UNC13C: variants seen among roughly 807,000 people sequenced by gnomAD.
The protein encoded by UNC13C is protein unc-13 homolog C.
UNC13C carries 174 observed loss-of-function variants against 245.4 expected under a neutral mutation model. That is an observed-to-expected ratio of 0.71 (90% CI 0.63 to 0.80). The LOEUF is 0.80. Ranked by LOEUF, UNC13C falls within the 30% of genes least tolerant of loss-of-function variation. UNC13C has a pLI of 0.00. For synonymous variants in UNC13C, 992 were observed against 895.1 expected, an observed-to-expected ratio of 1.11 and a Z score of -1.93; for missense variants, 2,829 against 2,602.9, an observed-to-expected ratio of 1.09 and a Z score of -1.89.
intron 4 of UNC13C, among the ~76,000 whole-genome samples, chr15:54,175,531 G>C (rs1305824108): frequency 3.3e-5 from 1 of 30,308 alleles, no homozygotes; most frequent in Non-Finnish European, 6.3e-5. Flanking sequence ...TTTTTTTTTT[G>C]AGACGGAGTC....
the UNC13C span, among the ~76,000 whole-genome samples, chr15:53,916,647 G>A: frequency 1.3e-5 from 2 of 152,174 alleles, no homozygotes; most frequent in African/African-American, 4.8e-5. Context: ...AACTACCAGA[G>A]TTCTTTCTAA....
chr15:54,517,325 T>G (rs1895024188), intron 24 of UNC13C, among the ~76,000 whole-genome samples: 1 of 152,202 alleles, frequency 6.6e-6, no homozygotes, highest in Non-Finnish European at 1.5e-5. Context: ...TAAAACTGTT[T>G]TCTAAACCAA....
chr15:54,196,092 C>T (rs2034343988), intron 4 of UNC13C, among the ~76,000 whole-genome samples: 1 of 152,100 alleles, frequency 6.6e-6, no homozygotes, highest in Non-Finnish European at 1.5e-5. Context: ...TGGGAAAGCT[C>T]TTTTATGAAT....
the UNC13C span, among the ~76,000 whole-genome samples, chr15:53,932,367 A>G: frequency 6.6e-6 from 1 of 152,144 alleles, no homozygotes. Context: ...CAGGTATTTA[A>G]GTGACAGACC....
chr15:54,362,275 A>T (rs1292279316), intron 17 of UNC13C, among the ~76,000 whole-genome samples: 1 of 152,170 alleles, frequency 6.6e-6, no homozygotes, highest in Admixed American at 6.5e-5. Flanking sequence ...CAGTGGAGAG[A>T]TTGAATATCC....
chr15:54,533,130 GA>G (rs1400067086), intron 26 of UNC13C, 64 bp downstream of exon 26: 5 of 1,289,862 alleles, frequency 3.9e-6, no homozygotes, highest in Non-Finnish European at 5.4e-6. Context: ...AAGGCTTTAA[GA>G]AAAACATTGT....
intron 2 of UNC13C, among the ~76,000 whole-genome samples, chr15:54,075,484 G>GAA (rs1396564362): frequency 3.0e-5 from 4 of 131,472 alleles, no homozygotes; most frequent in African/African-American, 7.5e-5. Flanking sequence ...GCAGTGAGCC[G>GAA]GAGCTTGCAG....
At chr15:54,451,655 T>C (rs1278976186) in intron 19 of UNC13C, among the ~76,000 whole-genome samples, 1 of 152,200 alleles carries the variant, frequency 6.6e-6, no homozygotes, top group African/African-American at 2.4e-5. Flanking sequence ...CTCATTTATA[T>C]CCTGAATTGT....
the UNC13C span, among the ~76,000 whole-genome samples, chr15:53,853,550 G>A: frequency 1.3e-5 from 2 of 152,158 alleles, no homozygotes; most frequent in Non-Finnish European, 2.9e-5. Flanking sequence ...TCGGCCTCTA[G>A]GTCTTTGAGA....
intron 19 of UNC13C, among the ~76,000 whole-genome samples, chr15:54,428,722 G>C (rs8029007): frequency 0.02 from 3,023 of 151,566 alleles, 98 homozygotes; most frequent in African/African-American, 0.07. Context: ...TCCTGGTATG[G>C]TCTCTGTGCT....
chr15:54,110,760 T>G (rs997155145), intron 2 of UNC13C, among the ~76,000 whole-genome samples: 1 of 152,214 alleles, frequency 6.6e-6, no homozygotes, highest in Admixed American at 6.5e-5. Context: ...ATTTTTTCCC[T>G]TTCTAGTGAC....
intron 19 of UNC13C, among the ~76,000 whole-genome samples, chr15:54,422,107 A>G (rs903673148): frequency 6.6e-6 from 1 of 152,004 alleles, no homozygotes; most frequent in Non-Finnish European, 1.5e-5. Context: ...GGTCTTTTTT[A>G]TTACAGCAAA....
chr15:54,140,503 G>A (rs577978525), intron 2 of UNC13C, among the ~76,000 whole-genome samples: 1 of 152,320 alleles, frequency 6.6e-6, no homozygotes, highest in Admixed American at 6.5e-5. Context: ...TTAGCAAAGA[G>A]GAATGCACAG....
intron 13 of UNC13C, among the ~76,000 whole-genome samples, chr15:54,310,963 C>T (rs989547161): frequency 1.3e-5 from 2 of 151,678 alleles, no homozygotes; most frequent in Non-Finnish European, 3.0e-5. Context: ...CCACCTTTAT[C>T]ACATCAATTG....
intron 4 of UNC13C, among the ~76,000 whole-genome samples, chr15:54,191,846 G>A (rs2034194872): frequency 6.6e-6 from 1 of 152,004 alleles, no homozygotes; most frequent in Non-Finnish European, 1.5e-5. Flanking sequence ...CTGCATAAAT[G>A]TCTTCTTTTG....
intron 18 of UNC13C, among the ~76,000 whole-genome samples, chr15:54,403,028 C>T (rs991675850): frequency 6.6e-6 from 1 of 152,192 alleles, no homozygotes; most frequent in Non-Finnish European, 1.5e-5. Context: ...TGGTAATCTC[C>T]ATCTCTGCTC....
intron 22 of UNC13C, 38 bp from the exon 23 acceptor site, chr15:54,507,079 A>G (rs1250929066): frequency 1.4e-6 from 2 of 1,398,508 alleles, no homozygotes; most frequent in Admixed American, 4.1e-5. Context: ...TAAACTACAT[A>G]CTTACCTGGG....
chr15:53,994,951 G>A (rs181734740), intron 1 of UNC13C, among the ~76,000 whole-genome samples: 40 of 152,162 alleles, frequency 2.6e-4, no homozygotes, highest in African/African-American at 7.7e-4. Context: ...TGAAGTTAAG[G>A]TTCATAAGAT....
intron 19 of UNC13C, among the ~76,000 whole-genome samples, chr15:54,435,879 C>G (rs1264109260): frequency 1.3e-5 from 2 of 150,828 alleles, no homozygotes; most frequent in Admixed American, 6.6e-5. Context: ...AATAAATGTA[C>G]AAGAAAAAAA....
Sources: gnomAD v4.1 joint callset for allele counts (sites outside exome capture counted in the v4.1 genomes callset) on GRCh38, gnomAD v4.1.1 for gene constraint, MANE v1.5 for transcripts, NCBI Gene and HGNC (gene_info 2026-07-23, HGNC 2026-07-21) for gene names.